COQ8A: variants seen among roughly 807,000 people sequenced by gnomAD.
COQ8A encodes the protein atypical kinase COQ8A, mitochondrial.
Under a neutral mutation model 65.0 loss-of-function variants are expected in COQ8A, and 51 were observed. That is an observed-to-expected ratio of 0.78 (90% CI 0.63 to 0.99). The LOEUF is 0.99. Among genes scored for constraint, COQ8A ranks in the 50% least tolerant of loss-of-function variants. The probability of loss-of-function intolerance (pLI) is 0.00; values close to 1 mark genes in which losing one functional copy is unlikely to be tolerated. For synonymous variants in COQ8A, 371 were observed against 353.2 expected, an observed-to-expected ratio of 1.05 and a Z score of -0.57; for missense variants, 940 against 875.0, an observed-to-expected ratio of 1.07 and a Z score of -0.94.
At chr1:226,974,165 G>A (rs1572059734) in intron 4 of COQ8A, among the ~76,000 whole-genome samples, 1 of 152,206 alleles carries the variant, frequency 6.6e-6, no homozygotes, top group Non-Finnish European at 1.5e-5. Flanking sequence ...TTGGGAGGAT[G>A]GGGCCTTGTG....
chr1:226,948,429 A>G (rs894560720), intron 1 of COQ8A, among the ~76,000 whole-genome samples: 2 of 152,194 alleles, frequency 1.3e-5, no homozygotes, highest in Admixed American at 6.5e-5. Context: ...CATATCTGCA[A>G]AGTCCCATTT....
At chr1:226,982,249 A>C in intron 6 of COQ8A, 100 bp downstream of exon 6, 1 of 1,483,996 alleles carries the variant, frequency 6.7e-7, no homozygotes, top group Non-Finnish European at 9.1e-7. Flanking sequence ...CTCAGTGGGC[A>C]AGATGTGAGC....
intron 4 of COQ8A, among the ~76,000 whole-genome samples, chr1:226,965,979 A>G (rs903202416): frequency 2.0e-5 from 3 of 152,182 alleles, no homozygotes; most frequent in African/African-American, 7.2e-5. Flanking sequence ...ATGCTGTGCC[A>G]GGAGCTGAGT....
chr1:226,982,303 A>G, intron 6 of COQ8A, 154 bp downstream of exon 6: 1 of 1,206,122 alleles, frequency 8.3e-7, no homozygotes, highest in Non-Finnish European at 1.1e-6. Context: ...TGGTCTCCAG[A>G]CGGGTGGCTC....
chr1:226,964,647 C>T (rs1258296202), intron 2 of COQ8A, among the ~76,000 whole-genome samples: 1 of 152,144 alleles, frequency 6.6e-6, no homozygotes, highest in Non-Finnish European at 1.5e-5. Context: ...CTGTCTTTTG[C>T]GCCCTGGTTT....
chr1:226,950,595 G>A (rs995130722), intron 1 of COQ8A, among the ~76,000 whole-genome samples: 1 of 152,154 alleles, frequency 6.6e-6, no homozygotes, highest in East Asian at 1.9e-4. Context: ...ATACATCTTT[G>A]TGCTAAGTAG....
intron 5 of COQ8A, among the ~76,000 whole-genome samples, chr1:226,978,882 A>T (rs1382579697): frequency 9.2e-6 from 1 of 109,076 alleles, no homozygotes; most frequent in Non-Finnish European, 2.1e-5. Context: ...CCCTCCACAC[A>T]CCCACCAATC....
At chr1:226,983,296 CT>C in intron 8 of COQ8A, 1 of 665,754 alleles carries the variant, frequency 1.5e-6, no homozygotes, top group Non-Finnish European at 2.5e-6. Flanking sequence ...CAAGTGATTG[CT>C]TTTTGGGGCC....
chr1:226,974,786 G>C (rs796117191), intron 4 of COQ8A: 2 of 152,734 alleles, frequency 1.3e-5, no homozygotes, highest in African/African-American at 4.8e-5. Flanking sequence ...TGAGGGACGT[G>C]TGGGGCCTGA....
At chr1:226,948,959 TATA>T (rs1219037596) in intron 1 of COQ8A, among the ~76,000 whole-genome samples, 1 of 152,098 alleles carries the variant, frequency 6.6e-6, no homozygotes. Context: ...TATTGGACAA[TATA>T]ATAACTTATA....
intron 4 of COQ8A, among the ~76,000 whole-genome samples, chr1:226,969,741 G>A (rs1333972192): frequency 1.3e-5 from 2 of 151,642 alleles, no homozygotes; most frequent in East Asian, 1.9e-4. Flanking sequence ...GCATATCTAT[G>A]AGCAGCATAT....
chr1:226,965,476 C>A, intron 3 of COQ8A, 66 bp downstream of exon 3: 1 of 1,574,650 alleles, frequency 6.4e-7, no homozygotes, highest in South Asian at 1.2e-5. Context: ...GCCTTGGGCT[C>A]TGCTCTAGGG....
chr1:226,953,373 A>G (rs374601679), intron 1 of COQ8A, among the ~76,000 whole-genome samples: 2 of 152,196 alleles, frequency 1.3e-5, no homozygotes, highest in South Asian at 2.1e-4. Context: ...TCCTATGACT[A>G]TTCCACCGTT....
chr1:226,985,365 C>A, intron 14 of COQ8A, 25 bp downstream of exon 14: 1 of 1,610,714 alleles, frequency 6.2e-7, no homozygotes, highest in South Asian at 1.1e-5. Flanking sequence ...GGGGGATCCC[C>A]TGGGCCTGCT....
In COQ8A at chr1:226,978,487, T is replaced by A. The variant is rs1043550818; in HGVS notation, c.730+964T>A. Among the ~76,000 whole-genome samples, 75 of 115,722 alleles carry A rather than the reference T, an allele frequency of 6.5e-4. 1 individual carries two copies. The highest frequency in any genetic ancestry group is 4.9e-3 in the South Asian group (17 of 3,438). 75.9% of individuals were successfully genotyped at this position (115,722 alleles called of 152,430 possible). On this transcript the variant is annotated intron_variant, in intron 5 of 14. Coordinates refer to ENST00000366777, the MANE Select transcript of COQ8A (RefSeq NM_020247.5). ...CACACCCACCAAATACCTGCACACC[T>A]CCTTACACATCCTCCACACACCCAC...
chr1:226,940,737 T>G (rs1298672165), intron 1 of COQ8A, among the ~76,000 whole-genome samples: 1 of 152,202 alleles, frequency 6.6e-6, no homozygotes, highest in African/African-American at 2.4e-5. Flanking sequence ...CCGTTGCCCA[T>G]GCCCTTTGGT....
At chr1:226,979,496 G>A (rs540301562) in intron 5 of COQ8A, among the ~76,000 whole-genome samples, 4 of 152,180 alleles carry the variant, frequency 2.6e-5, no homozygotes, top group Middle Eastern at 3.4e-3. Flanking sequence ...TGCCTCTGGA[G>A]TTCTGGGCCA....
chr1:226,973,630 A>G lies in COQ8A; in HGVS notation c.656-3819A>G, dbSNP rs112210176. ...TCGCCTTCCCGTGCCCCTTCCTGCC[A>G]TGCTGGGGGCTGCAGCCCCCTCCCC... On this transcript the variant is annotated intron_variant, in intron 4 of 14. Coordinates refer to ENST00000366777, the MANE Select transcript of COQ8A (RefSeq NM_020247.5). Among the ~76,000 whole-genome samples the G allele has an allele frequency of 6.6e-3, 1,004 of 152,272 alleles. 1 individual carries two copies. Among genetic ancestry groups the G allele is most frequent in the Middle Eastern group, 0.017 (5 of 294 alleles).
intron 4 of COQ8A, 105 bp from the exon 5 acceptor site, chr1:226,977,344 G>A (rs1225100177): frequency 9.4e-7 from 1 of 1,065,378 alleles, no homozygotes. Context: ...GAGGGCCCCT[G>A]GTGCAAGCGG....
Sources: allele counts gnomAD v4.1 joint callset (sites outside exome capture counted in the v4.1 genomes callset), GRCh38; gene constraint gnomAD v4.1.1; transcripts MANE v1.5; gene names NCBI Gene and HGNC (gene_info 2026-07-23, HGNC 2026-07-21).